The following ANOS1 variants were observed in gnomAD, a reference collection of about 807,000 sequenced individuals.
ANOS1 encodes anosmin 1.
ANOS1 carries 6 observed loss-of-function variants against 59.0 expected under a neutral mutation model. The ratio of observed to expected loss-of-function variants is 0.10; its 90% CI spans 0.06 to 0.20. The LOEUF (loss-of-function observed/expected upper bound fraction) is 0.20, where lower values mean the gene tolerates loss of function less well. Ranked by LOEUF, ANOS1 falls within the 10% of genes least tolerant of loss-of-function variation. The pLI is 1.00. For synonymous variants in ANOS1, 217 were observed against 223.4 expected, an observed-to-expected ratio of 0.97 and a Z score of 0.25; for missense variants, 433 against 542.3, an observed-to-expected ratio of 0.80 and a Z score of 2.00.
intron 1 of ANOS1, among the ~76,000 whole-genome samples, chrX:8,717,622 C>G (rs1474348164): frequency 1.8e-5 from 2 of 110,372 alleles, no homozygotes; most frequent in Admixed American, 1.9e-4. Flanking sequence ...ATGGTACAGC[C>G]AAATGTCAAA....
intron 2 of ANOS1, among the ~76,000 whole-genome samples, chrX:8,639,987 G>A (rs916384974): frequency 2.7e-5 from 3 of 110,652 alleles, no homozygotes; most frequent in African/African-American, 9.8e-5. Context: ...TTGTGCCCTA[G>A]GCCCTCTATT....
chrX:8,589,613 A>G (rs1264336860), intron 4 of ANOS1, among the ~76,000 whole-genome samples: 1 of 112,103 alleles, frequency 8.9e-6, no homozygotes, highest in Non-Finnish European at 1.9e-5. Flanking sequence ...CTGGAACTTC[A>G]CCAAGTCAGT....
intron 2 of ANOS1, among the ~76,000 whole-genome samples, chrX:8,658,025 G>A (rs1225991503): frequency 9.0e-6 from 1 of 111,440 alleles, no homozygotes; most frequent in Non-Finnish European, 1.9e-5. Flanking sequence ...GGCAGTTCCC[G>A]AGGGCATTAA....
chrX:8,603,210 G>A (rs1466454620), intron 3 of ANOS1, among the ~76,000 whole-genome samples: 3 of 112,166 alleles, frequency 2.7e-5, no homozygotes, highest in African/African-American at 9.7e-5. Context: ...GTATCTAATG[G>A]ATGTCATTAT....
chrX:8,562,810 CA>C (rs1415008201), intron 8 of ANOS1, among the ~76,000 whole-genome samples: 8 of 112,373 alleles, frequency 7.1e-5, no homozygotes, highest in Non-Finnish European at 1.3e-4. Context: ...ACTGCATGAA[CA>C]TTCAGCCTTC....
intron 10 of ANOS1, among the ~76,000 whole-genome samples, chrX:8,537,584 G>T (rs778769947): frequency 9.0e-6 from 1 of 111,071 alleles, no homozygotes; most frequent in Non-Finnish European, 1.9e-5. Flanking sequence ...ATTCTGTTTT[G>T]TATTTACCAA....
intron 1 of ANOS1, among the ~76,000 whole-genome samples, chrX:8,711,127 GT>G (rs969645505): frequency 1.8e-5 from 2 of 112,327 alleles, no homozygotes; most frequent in African/African-American, 6.5e-5. Context: ...GAATCTAAGT[GT>G]CCAATGATAG....
chrX:8,556,910 C>T (rs1410762302), intron 8 of ANOS1, among the ~76,000 whole-genome samples: 1 of 111,727 alleles, frequency 9.0e-6, no homozygotes, highest in East Asian at 2.8e-4. Flanking sequence ...AGGCATCATG[C>T]TACCTGATTT....
At position 8,597,059 on chromosome X, in the gene ANOS1, A is replaced by G. The variant is rs1167508487; in HGVS notation, c.516T>C (p.Cys172=). 2 of 1,211,718 alleles carry G rather than the reference A, an allele frequency of 1.7e-6. No homozygotes were observed. The highest frequency in any genetic ancestry group is 4.3e-5 in the Admixed American group (2 of 46,036). The change falls in exon 4 of 14, where the codon TGT becomes TGC. Residue 172 remains cysteine (C), a synonymous_variant. Transcript: ENST00000262648. ...KCCSNGCGHT[C]QVPKTLYKGV... ...CTTTGTACAGAGTCTTGGGTACTTG[A>G]CAGGTGTGTCCACACCCATTCGAAC... is the stretch of plus-strand genomic sequence containing the variant.
intron 3 of ANOS1, among the ~76,000 whole-genome samples, chrX:8,620,292 C>T (rs924277192): frequency 7.1e-5 from 8 of 111,977 alleles, no homozygotes; most frequent in Admixed American, 3.8e-4. Context: ...AAACAAGAGG[C>T]AGACCAGTTT....
Position 8,687,593 on chromosome X carries a change from A to AACACACACAC in ANOS1, c.255+12095_255+12104dup, listed in dbSNP as rs58384646. Reference sequence around the variant, plus strand: ...AGAAAACAGAAGGTGTAATCCAGTAAACACACACACACACACACACACACA... The same window carrying AACACACACAC: ...AGAAAACAGAAGGTGTAATCCAGTAAACACACACACACACACACACACACACACACACACA... On this transcript the variant is annotated intron_variant, in intron 2 of 13. Transcript: ENST00000262648. Among the ~76,000 whole-genome samples the AACACACACAC allele has an allele frequency of 9.0e-3, 859 of 95,638 alleles. 14 individuals are homozygous for AACACACACAC. The highest frequency in any genetic ancestry group is 0.032 in the African/African-American group (816 of 25,772). The allele number at this position is 95,638 out of a possible 115,157, so 83.1% of individuals were successfully genotyped here. A position where few individuals can be genotyped will look rare whatever the true frequency, so the allele number is the denominator to read the frequency against.
intron 4 of ANOS1, among the ~76,000 whole-genome samples, chrX:8,592,058 GT>G (rs1180052582): frequency 1.8e-5 from 2 of 111,938 alleles, no homozygotes; most frequent in African/African-American, 6.5e-5. Flanking sequence ...TTTTAAAAAT[GT>G]TGAAAATATA....
At chrX:8,541,545 TGAA>T (rs1929691322) in intron 9 of ANOS1, among the ~76,000 whole-genome samples, 1 of 96,886 alleles carries the variant, frequency 1.0e-5, no homozygotes, top group Non-Finnish European at 2.1e-5. Flanking sequence ...AGTCAGGACT[TGAA>T]GAAGGTGTAG....
rs144709908 is a variant in ANOS1, at chrX:8,539,732, G to A, written c.1381C>T (p.Arg461Trp). 1.2e-4 allele frequency: 141 copies of A among 1,209,070 alleles called. No homozygotes were observed. The African/African-American group carries it at 1.8e-3, about 16-fold the overall frequency. ...TGGGCACACGCTTCAGGAAACCACC[G>A]CACATGATATCGGTTGACAGTGGGA... ...EDPTVNRYHV[R>W]WFPEACAHNR... The change falls in exon 10 of 14, where the codon CGG becomes TGG. Residue 461 changes from arginine to tryptophan, a missense_variant. Transcript: ENST00000262648.
At chrX:8,574,654 A>G (rs1009999610) in intron 6 of ANOS1, among the ~76,000 whole-genome samples, 1 of 111,813 alleles carries the variant, frequency 8.9e-6, no homozygotes, top group Non-Finnish European at 1.9e-5. Context: ...TCAGACTCCA[A>G]GTTCTTCAGC....
intron 12 of ANOS1, chrX:8,535,103 A>ATTTTTTTTT (rs139686267): frequency 1.1e-5 from 1 of 94,245 alleles, no homozygotes; most frequent in African/African-American, 3.9e-5. Context: ...CCCACACATG[A>ATTTTTTTTT]TTTTTTTTTT....
At chrX:8,552,644 TG>T (rs1929874408) in intron 9 of ANOS1, among the ~76,000 whole-genome samples, 1 of 111,837 alleles carries the variant, frequency 8.9e-6, no homozygotes, top group Non-Finnish European at 1.9e-5. Context: ...AGGATGGTGG[TG>T]GTTACTCTTG....
At chrX:8,614,203 A>T (rs1035857571) in intron 3 of ANOS1, among the ~76,000 whole-genome samples, 5 of 110,448 alleles carry the variant, frequency 4.5e-5, no homozygotes, top group African/African-American at 1.6e-4. Context: ...CTGACCTCAC[A>T]CTCCTGACAG....
chrX:8,568,859 T>A (rs1042606189), intron 7 of ANOS1, among the ~76,000 whole-genome samples: 1 of 111,229 alleles, frequency 9.0e-6, no homozygotes, highest in African/African-American at 3.3e-5. Context: ...ATAAACTTCA[T>A]AGAAAGGCCA....
Sources: gnomAD v4.1 joint callset for allele counts (sites outside exome capture counted in the v4.1 genomes callset) on GRCh38, gnomAD v4.1.1 for gene constraint, MANE v1.5 for transcripts, NCBI Gene and HGNC (gene_info 2026-07-23, HGNC 2026-07-21) for gene names.